Variants in PSMD1 observed in about 807,000 individuals in gnomAD.
The protein encoded by PSMD1 is 26S proteasome non-ATPase regulatory subunit 1.
In PSMD1, 18 loss-of-function variants were observed where a neutral mutation model predicts 119.0. That is an observed-to-expected ratio of 0.15 (90% CI 0.10 to 0.22). PSMD1 has a LOEUF of 0.22. Ranked by LOEUF, PSMD1 falls within the 10% of genes least tolerant of loss-of-function variation. The probability of loss-of-function intolerance (pLI) is 1.00; values close to 1 mark genes in which losing one functional copy is unlikely to be tolerated. For missense variants in PSMD1, 702 were observed against 1,158.5 expected (o/e 0.61, Z 5.72); for synonymous variants, 374 against 396.6 (o/e 0.94, Z 0.68).
chr2:231,083,996 A>T (rs923812918), intron 14 of PSMD1, among the ~76,000 whole-genome samples: 14 of 152,154 alleles, frequency 9.2e-5, no homozygotes, highest in Non-Finnish European at 1.9e-4. Context: ...GATCGGTGAT[A>T]CTCATAAGCA....
intron 16 of PSMD1, chr2:231,123,559 A>G (rs774215062): frequency 1.1e-5 from 17 of 1,613,980 alleles, no homozygotes; most frequent in Admixed American, 3.3e-5. Context: ...ATTTCCACCA[A>G]TTGTGGGTAT....
intron 20 of PSMD1, among the ~76,000 whole-genome samples, chr2:231,162,854 A>G (rs7595200): frequency 0.048 from 7,223 of 150,766 alleles, 253 homozygotes; most frequent in Non-Finnish European, 0.075. Flanking sequence ...AGAAAGAAAG[A>G]AAGGAAGCCG....
chr2:231,108,929 A>T, intron 16 of PSMD1: 1 of 1,614,166 alleles, frequency 6.2e-7, no homozygotes, highest in Non-Finnish European at 8.5e-7. Context: ...AACTAAAGTT[A>T]TATTTGTAAT....
intron 19 of PSMD1, among the ~76,000 whole-genome samples, chr2:231,158,629 G>A (rs184231423): frequency 1.5e-3 from 232 of 152,276 alleles, no homozygotes; most frequent in Middle Eastern, 3.4e-3. Context: ...GCTAGGCATC[G>A]TTTTCCTCTC....
chr2:231,102,080 A>G (rs1004022313), intron 16 of PSMD1, among the ~76,000 whole-genome samples: 1 of 152,132 alleles, frequency 6.6e-6, no homozygotes, highest in African/African-American at 2.4e-5. Context: ...CCACCTCCCA[A>G]AGTGCTGGGA....
At chr2:231,086,036 C>CA (rs1694423716) in intron 15 of PSMD1, among the ~76,000 whole-genome samples, 1 of 143,300 alleles carries the variant, frequency 7.0e-6, no homozygotes, top group African/African-American at 2.6e-5. Flanking sequence ...TAGTCTTTTT[C>CA]TTTTTTTTTT....
At chr2:231,086,743 C>G (rs1237190309) in intron 15 of PSMD1, among the ~76,000 whole-genome samples, 2 of 152,056 alleles carry the variant, frequency 1.3e-5, no homozygotes, top group African/African-American at 2.4e-5. Context: ...TGAAATTTTT[C>G]AATAACTTTT....
chr2:231,171,104 CTTG>C (rs1265729651), intron 24 of PSMD1, among the ~76,000 whole-genome samples: 1 of 152,204 alleles, frequency 6.6e-6, no homozygotes, highest in African/African-American at 2.4e-5. Flanking sequence ...ATGTAAGCTT[CTTG>C]TTGTGGATCA....
At chr2:231,113,297 G>C (rs1287898872) in intron 16 of PSMD1, among the ~76,000 whole-genome samples, 1 of 152,150 alleles carries the variant, frequency 6.6e-6, no homozygotes, top group African/African-American at 2.4e-5. Flanking sequence ...CAAAATGTTT[G>C]AGTTGTTATT....
chr2:231,127,743 G>A (rs555764874), intron 16 of PSMD1, among the ~76,000 whole-genome samples: 3 of 152,288 alleles, frequency 2.0e-5, no homozygotes, highest in Non-Finnish European at 4.4e-5. Flanking sequence ...TGTTCATTCA[G>A]CAAATAAATG....
At chr2:231,161,288 A>G (rs577986330) in intron 19 of PSMD1, 52 bp from the exon 20 acceptor site, 4 of 1,427,426 alleles carry the variant, frequency 2.8e-6, no homozygotes, top group East Asian at 4.6e-5. Flanking sequence ...TTGTCCTACT[A>G]TAATAATAGG....
At chr2:231,155,785 G>T (rs912654155) in intron 19 of PSMD1, among the ~76,000 whole-genome samples, 1 of 151,672 alleles carries the variant, frequency 6.6e-6, no homozygotes, top group Admixed American at 6.6e-5. Context: ...TTTTAATATT[G>T]AGGCATAGTT....
chr2:231,158,781 G>A (rs189453107), intron 19 of PSMD1, among the ~76,000 whole-genome samples: 2 of 152,020 alleles, frequency 1.3e-5, no homozygotes, highest in African/African-American at 2.4e-5. Flanking sequence ...TGTGAGACTG[G>A]AGTCTCCTTA....
chr2:231,122,055 T>C (rs1695563468), intron 16 of PSMD1, among the ~76,000 whole-genome samples: 1 of 152,166 alleles, frequency 6.6e-6, no homozygotes, highest in African/African-American at 2.4e-5. Context: ...TTCTCTATTA[T>C]AGTAAGATTT....
At chr2:231,060,326 A>T (rs534550665) in intron 1 of PSMD1, 1 of 152,180 alleles carries the variant, frequency 6.6e-6, no homozygotes, top group Non-Finnish European at 1.5e-5. Context: ...TGCTTAAGCT[A>T]TTTGGCAAAC....
At chr2:231,063,760 G>A (rs765279036) in intron 4 of PSMD1, among the ~76,000 whole-genome samples, 7 of 152,176 alleles carry the variant, frequency 4.6e-5, no homozygotes, top group Non-Finnish European at 8.8e-5. Context: ...TTTGAAACTA[G>A]ACTACTTTCT....
At chr2:231,062,856 G>T (rs74757457) in intron 4 of PSMD1, among the ~76,000 whole-genome samples, 181 bp downstream of exon 4, 12,474 of 152,138 alleles carry the variant, frequency 0.082, 647 homozygotes, top group South Asian at 0.21. Context: ...CTGAGTGCTG[G>T]TTCTCAGTGG....
At chr2:231,078,842 C>T (rs1694237216) in intron 10 of PSMD1, 95 bp downstream of exon 10, 3 of 863,404 alleles carry the variant, frequency 3.5e-6, no homozygotes, top group Non-Finnish European at 5.0e-6. Flanking sequence ...TGGCCCAGGC[C>T]GGAGGGCAGT....
intron 18 of PSMD1, among the ~76,000 whole-genome samples, chr2:231,150,807 A>T (rs7570022): frequency 6.6e-6 from 1 of 152,140 alleles, no homozygotes; most frequent in Non-Finnish European, 1.5e-5. Context: ...TTCACAGACA[A>T]AAAAAACACC....
Sources: allele counts gnomAD v4.1 joint callset (sites outside exome capture counted in the v4.1 genomes callset), GRCh38; gene constraint gnomAD v4.1.1; transcripts MANE v1.5; gene names NCBI Gene and HGNC (gene_info 2026-07-23, HGNC 2026-07-21).